EVA1C: variants seen among roughly 807,000 people sequenced by gnomAD.
EVA1C encodes eva-1 homolog C.
In EVA1C, 25 loss-of-function variants were observed where a neutral mutation model predicts 45.4. That is an observed-to-expected ratio of 0.55 (90% CI 0.40 to 0.77). EVA1C has a LOEUF of 0.77. Among genes scored for constraint, EVA1C ranks in the 30% least tolerant of loss-of-function variants. The pLI is 0.00. For synonymous variants in EVA1C, 190 were observed against 221.2 expected (o/e 0.86, Z 1.25); for missense variants, 479 against 554.8 (o/e 0.86, Z 1.37).
chr21:32,507,689 T>C (rs922059433), intron 7 of EVA1C, among the ~76,000 whole-genome samples: 4 of 151,866 alleles, frequency 2.6e-5, no homozygotes, highest in South Asian at 2.1e-4. Context: ...TGTGTGCATG[T>C]GTGCATGCGT....
At chr21:32,505,683 T>C (rs951626072) in intron 7 of EVA1C, among the ~76,000 whole-genome samples, 1 of 152,182 alleles carries the variant, frequency 6.6e-6, no homozygotes, top group African/African-American at 2.4e-5. Context: ...ACCAATCACT[T>C]TCCGGTAAGG....
Position 32,467,705 on chromosome 21 carries a change from AAAAC to A in EVA1C, c.495_498del (p.Asn165LysfsTer9). On this transcript the variant is annotated frameshift_variant, in exon 4 of 8. Coordinates refer to ENST00000300255, the MANE Select transcript of EVA1C (RefSeq NM_058187.5). LOFTEE classifies it high-confidence loss of function. The stretch of plus-strand genomic sequence containing the variant: ...TTTGTTTTTGCTTCAGATGAATTAA[AAAAC>A]AAAACCGTGTGTGAAGACCAGGAGC... The A allele has an allele frequency of 5.0e-6, 8 of 1,602,796 alleles. No homozygotes were observed. Among genetic ancestry groups the A allele is most frequent in the Non-Finnish European group, 6.8e-6 (8 of 1,176,186 alleles).
intron 4 of EVA1C, among the ~76,000 whole-genome samples, chr21:32,471,754 G>A (rs759026524): frequency 2.0e-5 from 3 of 151,504 alleles, no homozygotes; most frequent in South Asian, 2.1e-4. Flanking sequence ...TCAGCCTCCC[G>A]AGTAACTCGA....
In EVA1C at chr21:32,503,985, A is replaced by C; in HGVS notation, c.919A>C (p.Asn307His). Residue 307 changes from asparagine to histidine, a missense_variant, in exon 7 of 8, where the codon AAC becomes CAC. By Grantham distance (68) the Asn-to-His change is moderately conservative. This residue lies in a region of EVA1C where 366 missense variants were observed against 426.1 expected (regional missense o/e 0.86). Coordinates refer to ENST00000300255, the MANE Select transcript of EVA1C (RefSeq NM_058187.5). ...VLRKDGILVS[N>H]SLAAFAYIRA... ...GAGGAAAGATGGAATTCTTGTTAGC[A>C]ACTCTCTGGCAGCCTTTGCTTACAT... 1 of 1,611,716 alleles carries C rather than the reference A, an allele frequency of 6.2e-7. No individual in the cohort carries two copies. The highest frequency in any genetic ancestry group is 8.5e-7 in the Non-Finnish European group (1 of 1,179,652).
chr21:32,480,435 T>C (rs1229177711), intron 4 of EVA1C, among the ~76,000 whole-genome samples: 2 of 152,128 alleles, frequency 1.3e-5, no homozygotes, highest in African/African-American at 2.4e-5. Flanking sequence ...AAGTAGTATG[T>C]ATGTGATTCC....
chr21:32,417,866 A>G (rs112569944), intron 1 of EVA1C, among the ~76,000 whole-genome samples: 1,881 of 152,308 alleles, frequency 0.012, 41 homozygotes, highest in African/African-American at 0.043. Context: ...TTCTGATGTA[A>G]TTGGCCCTGG....
chr21:32,470,947 C>T lies in EVA1C; in HGVS notation c.634+3099C>T, dbSNP rs1184243716. Among the ~76,000 whole-genome samples, 4 of 151,732 alleles carry T rather than the reference C, an allele frequency of 2.6e-5. No individual in the cohort carries two copies. In the East Asian group the frequency reaches 7.8e-4, roughly 29 times the overall value. ...CTGATTTTTGTATTTTTAGTAGAGA[C>T]GGGGTTGCACTGTGTTGGCCAGGCT... is the stretch of plus-strand genomic sequence containing the variant. On this transcript the variant is annotated intron_variant, in intron 4 of 7. Transcript: ENST00000300255.
intron 4 of EVA1C, among the ~76,000 whole-genome samples, chr21:32,486,814 C>G (rs2036986021): frequency 6.6e-6 from 1 of 152,194 alleles, no homozygotes; most frequent in Non-Finnish European, 1.5e-5. Flanking sequence ...TTTTTCTCCT[C>G]TGTCCTAGCC....
intron 6 of EVA1C, among the ~76,000 whole-genome samples, chr21:32,502,025 TTTCTTTCTTTCTTTCTTTCTTTCTTTC>T (rs1475891387): frequency 6.5e-5 from 9 of 139,388 alleles, no homozygotes; most frequent in Non-Finnish European, 1.4e-4. Context: ...TCTTTCTTTC[TTTCTTTCTTTCTTTCTTTCTTTCTTTC>T]TTCTTTCTTT....
At chr21:32,510,296 CCG>C (rs1323164761) in intron 7 of EVA1C, among the ~76,000 whole-genome samples, 1 of 151,978 alleles carries the variant, frequency 6.6e-6, no homozygotes, top group Non-Finnish European at 1.5e-5. Context: ...CTCAAGTGAT[CCG>C]CCCACCTCAG....
In EVA1C at chr21:32,495,011, G is replaced by A. The variant is rs748073128; in HGVS notation, c.635-16G>A. On this transcript the variant is annotated splice_polypyrimidine_tract_variant and intron_variant, in intron 4 of 7. Coordinates refer to ENST00000300255, the MANE Select transcript of EVA1C (RefSeq NM_058187.5). ...TGGGATGCAACCTGAAGTTCTGGGT[G>A]TTTCCTGCCTTTCAGATTGCTTGTC... 6.2e-7 allele frequency: 1 copy of A among 1,612,886 alleles called. No individual in the cohort carries two copies. The highest frequency in any genetic ancestry group is 8.5e-7 in the Non-Finnish European group (1 of 1,179,282).
At chr21:32,455,260 G>A (rs912615187) in intron 2 of EVA1C, among the ~76,000 whole-genome samples, 6 of 152,002 alleles carry the variant, frequency 3.9e-5, no homozygotes, top group African/African-American at 1.5e-4. Flanking sequence ...GGGCCAACTT[G>A]CCTTTTATAA....
intron 1 of EVA1C, among the ~76,000 whole-genome samples, chr21:32,421,039 A>T (rs2034248859): frequency 6.6e-6 from 1 of 152,240 alleles, no homozygotes; most frequent in Non-Finnish European, 1.5e-5. Context: ...AGCCTCAAAG[A>T]ACTGATTATA....
intron 1 of EVA1C, among the ~76,000 whole-genome samples, chr21:32,414,750 A>T (rs1421587312): frequency 6.6e-6 from 1 of 152,194 alleles, no homozygotes; most frequent in Non-Finnish European, 1.5e-5. Flanking sequence ...CCTAAATTCC[A>T]GGGTTTCAAA....
chr21:32,448,967 AAAAG>A (rs148890440), intron 1 of EVA1C, among the ~76,000 whole-genome samples: 4,919 of 144,012 alleles, frequency 0.034, 256 homozygotes, highest in African/African-American at 0.12. Flanking sequence ...AAGAGAAAGA[AAAAG>A]AAAGAAAGAA....
chr21:32,444,630 T>C (rs1173865278), intron 1 of EVA1C, among the ~76,000 whole-genome samples: 1 of 152,146 alleles, frequency 6.6e-6, no homozygotes, highest in East Asian at 1.9e-4. Context: ...TATAGAAGCA[T>C]CATTACATAG....
chr21:32,419,911 C>T (rs1428814346), intron 1 of EVA1C, among the ~76,000 whole-genome samples: 1 of 152,112 alleles, frequency 6.6e-6, no homozygotes, highest in Non-Finnish European at 1.5e-5. Flanking sequence ...CTCATAATAA[C>T]ATAAATCCTA....
intron 5 of EVA1C, among the ~76,000 whole-genome samples, chr21:32,498,065 A>T (rs2037408829): frequency 6.6e-6 from 1 of 152,212 alleles, no homozygotes; most frequent in Non-Finnish European, 1.5e-5. Context: ...CACATGTCCC[A>T]GTTCAAGCTT....
intron 3 of EVA1C, among the ~76,000 whole-genome samples, chr21:32,462,838 T>C (rs922854957): frequency 6.6e-6 from 1 of 152,198 alleles, no homozygotes; most frequent in Admixed American, 6.5e-5. Context: ...TTATTTCCCA[T>C]AAGGAATAGT....
Sources: gnomAD v4.1 joint callset for allele counts (sites outside exome capture counted in the v4.1 genomes callset) on GRCh38, gnomAD v4.1.1 for gene constraint, gnomAD v4.1.1 regional missense constraint, MANE v1.5 for transcripts, NCBI Gene and HGNC (gene_info 2026-07-23, HGNC 2026-07-21) for gene names.